The following CORO2B variants were observed in gnomAD, a reference collection of about 807,000 sequenced individuals.
CORO2B encodes the protein coronin 2B.
In CORO2B, 26 loss-of-function variants were observed where a neutral mutation model predicts 58.8. That is an observed-to-expected ratio of 0.44 (90% confidence interval 0.32 to 0.61). The LOEUF (loss-of-function observed/expected upper bound fraction) is 0.61, where lower values mean the gene tolerates loss of function less well. Ranked by LOEUF, CORO2B falls within the 20% of genes least tolerant of loss-of-function variation. The pLI, the probability that CORO2B is intolerant of heterozygous loss-of-function variation, is 0.04. For missense variants in CORO2B, 460 were observed against 645.1 expected (o/e 0.71, Z 3.11); for synonymous variants, 242 against 253.8 (o/e 0.95, Z 0.44).
intron 3 of CORO2B, among the ~76,000 whole-genome samples, chr15:68,697,391 A>T (rs1376988354): frequency 6.6e-6 from 1 of 152,240 alleles, no homozygotes; most frequent in Non-Finnish European, 1.5e-5. Flanking sequence ...CACATGAACA[A>T]GTAAATTAAT....
the CORO2B span, among the ~76,000 whole-genome samples, chr15:68,541,471 T>A: frequency 6.6e-6 from 1 of 152,024 alleles, no homozygotes; most frequent in Non-Finnish European, 1.5e-5. Flanking sequence ...GAGGAAAAGG[T>A]GATGGGGGAG....
intron 1 of CORO2B, among the ~76,000 whole-genome samples, chr15:68,591,379 G>A (rs776929358): frequency 2.0e-5 from 3 of 152,240 alleles, no homozygotes; most frequent in African/African-American, 7.2e-5. Context: ...AGAACCAGTT[G>A]GGTGCTGCTG....
chr15:68,618,409 A>G (rs1265374849), intron 1 of CORO2B, among the ~76,000 whole-genome samples: 1 of 152,256 alleles, frequency 6.6e-6, no homozygotes, highest in Non-Finnish European at 1.5e-5. Flanking sequence ...AAATCACAGA[A>G]GGCTCCCAGT....
chr15:68,613,958 G>C (rs1428796202), intron 1 of CORO2B, among the ~76,000 whole-genome samples: 1 of 152,216 alleles, frequency 6.6e-6, no homozygotes, highest in African/African-American at 2.4e-5. Flanking sequence ...GGGTTGTTCA[G>C]TTAGCCACCA....
the CORO2B span, among the ~76,000 whole-genome samples, chr15:68,559,773 C>T: frequency 1.3e-5 from 2 of 152,166 alleles, no homozygotes; most frequent in Non-Finnish European, 2.9e-5. The surrounding 1 kb of genome is among the most constrained non-coding windows in gnomAD (Gnocchi z 4.3). Flanking sequence ...CCACGGCGTG[C>T]CCACCAGGGG....
intron 5 of CORO2B, among the ~76,000 whole-genome samples, chr15:68,713,256 T>C (rs764282235): frequency 6.6e-6 from 1 of 152,126 alleles, no homozygotes; most frequent in Non-Finnish European, 1.5e-5. Context: ...TTTCTTCCGA[T>C]AGATATTGTT....
At chr15:68,658,311 G>GA (rs1901890471) in intron 2 of CORO2B, among the ~76,000 whole-genome samples, 1 of 152,072 alleles carries the variant, frequency 6.6e-6, no homozygotes, top group Non-Finnish European at 1.5e-5. Flanking sequence ...GGAGGAGGAG[G>GA]GCGAGATGCA....
rs773134210 is a variant in CORO2B, at chr15:68,725,983, C to G, written c.*9C>G. 18 of 1,612,824 alleles carry G rather than the reference C, an allele frequency of 1.1e-5. No individual in the cohort carries two copies. Among genetic ancestry groups the G allele is most frequent in the Non-Finnish European group, 1.5e-5 (18 of 1,179,962 alleles). On this transcript the variant is annotated 3_prime_UTR_variant, in exon 12 of 12. Transcript: ENST00000261861. ...GCCCCAAGAACTGTTAGCTCCCCAG[C>G]TGGGCTGTTTTCTAAGCCGATCTCT...
chr15:68,536,199 A>T, the CORO2B span, among the ~76,000 whole-genome samples: 1 of 152,228 alleles, frequency 6.6e-6, no homozygotes, highest in African/African-American at 2.4e-5. Flanking sequence ...CCTAGTCTAC[A>T]AGAAGTTCAG....
intron 1 of CORO2B, among the ~76,000 whole-genome samples, chr15:68,641,809 C>T (rs928047084): frequency 3.3e-5 from 5 of 151,958 alleles, no homozygotes; most frequent in African/African-American, 9.7e-5. Context: ...CTGCAACCTC[C>T]ACCTCCCAGG....
chr15:68,579,087 C>T lies in CORO2B; in HGVS notation c.-176C>T, dbSNP rs1899344950. ...GCGACGAGCGGCGGGCGAGCGCCGA[C>T]GAGCGGTCCCTGCGCGCTGCCCGCC... On this transcript the variant is annotated 5_prime_UTR_variant, in exon 1 of 12. The change creates a new upstream start codon in the 5' untranslated region. Transcript: ENST00000261861. The T allele has an allele frequency of 2.0e-6, 2 of 983,150 alleles. No homozygotes were observed. Among genetic ancestry groups the T allele is most frequent in the South Asian group, 9.4e-5 (2 of 21,372 alleles). 60.9% of individuals were successfully genotyped at this position (983,150 alleles called of 1,614,324 possible). A position where few individuals can be genotyped will look rare whatever the true frequency, so the allele number is the denominator to read the frequency against.
chr15:68,718,920 G>T (rs1247751784), intron 9 of CORO2B, 110 bp downstream of exon 9: 44 of 986,864 alleles, frequency 4.5e-5, no homozygotes, highest in Non-Finnish European at 6.9e-5. Flanking sequence ...GCTGTGAACT[G>T]GGGTCTTCAA....
chr15:68,671,251 T>C (rs556512957), intron 2 of CORO2B, among the ~76,000 whole-genome samples: 1 of 152,312 alleles, frequency 6.6e-6, no homozygotes, highest in Non-Finnish European at 1.5e-5. Flanking sequence ...TTTCCCAATT[T>C]TTCTGTTGTT....
At chr15:68,622,568 A>G (rs1055346290) in intron 1 of CORO2B, among the ~76,000 whole-genome samples, 2 of 152,212 alleles carry the variant, frequency 1.3e-5, no homozygotes, top group African/African-American at 4.8e-5. Context: ...CCACCTCCCA[A>G]CACAGCAAAT....
chr15:68,649,536 C>A (rs1901566872), intron 2 of CORO2B, among the ~76,000 whole-genome samples: 2 of 152,118 alleles, frequency 1.3e-5, no homozygotes, highest in South Asian at 4.1e-4. Flanking sequence ...CGTTCTCCAG[C>A]GTTCAGTCTC....
intron 2 of CORO2B, among the ~76,000 whole-genome samples, chr15:68,648,029 C>A (rs374363053): frequency 5.9e-3 from 499 of 84,108 alleles, no homozygotes; most frequent in Middle Eastern, 0.011. Context: ...TCCTGTCTCT[C>A]AAAAAAAAAA....
At chr15:68,644,234 A>G (rs1212750894) in intron 1 of CORO2B, among the ~76,000 whole-genome samples, 1 of 152,192 alleles carries the variant, frequency 6.6e-6, no homozygotes, top group African/African-American at 2.4e-5. Flanking sequence ...TGACTCAGCA[A>G]TCCAGATTGC....
At chr15:68,707,639 T>C (rs1454160764) in intron 3 of CORO2B, among the ~76,000 whole-genome samples, 9 of 152,126 alleles carry the variant, frequency 5.9e-5, no homozygotes, top group Non-Finnish European at 1.0e-4. Context: ...AAAAAGAACA[T>C]GTGTAATAGT....
chr15:68,620,635 TG>T (rs1185734642), intron 1 of CORO2B, among the ~76,000 whole-genome samples: 1 of 152,210 alleles, frequency 6.6e-6, no homozygotes, highest in African/African-American at 2.4e-5. Flanking sequence ...ATTTCCAAAG[TG>T]CCTTCTCTGT....
Sources: gnomAD v4.1 joint callset for allele counts (sites outside exome capture counted in the v4.1 genomes callset) on GRCh38, gnomAD v4.1.1 for gene constraint, Gnocchi (gnomAD v3.1) non-coding constraint, MANE v1.5 for transcripts, NCBI Gene and HGNC (gene_info 2026-07-23, HGNC 2026-07-21) for gene names.